ATP7A: variants seen among roughly 807,000 people sequenced by gnomAD.
The protein encoded by ATP7A is copper-transporting ATPase 1.
In ATP7A, 7 loss-of-function variants were observed where a neutral mutation model predicts 83.5. That is an observed-to-expected ratio of 0.08 (90% CI 0.05 to 0.16). The LOEUF is 0.16. Among genes scored for constraint, ATP7A ranks in the 10% least tolerant of loss-of-function variants. ATP7A has a pLI of 1.00. For synonymous variants in ATP7A, 354 were observed against 395.2 expected, an observed-to-expected ratio of 0.90 and a Z score of 1.24; for missense variants, 940 against 1,120.8, an observed-to-expected ratio of 0.84 and a Z score of 2.30.
chrX:77,931,009 C>CTTTTTTTTTTTTTTTTTTTTTTTTTT (rs11379657), intron 1 of ATP7A, among the ~76,000 whole-genome samples: 2 of 67,263 alleles, frequency 3.0e-5, no homozygotes, highest in African/African-American at 6.0e-5. Flanking sequence ...TTTTTTTTAC[C>CTTTTTTTTTTTTTTTTTTTTTTTTTT]TTTTTTTTTA....
intron 4 of ATP7A, among the ~76,000 whole-genome samples, chrX:77,994,179 C>T (rs2077686507): frequency 9.0e-6 from 1 of 110,766 alleles, no homozygotes. Context: ...AATTCTCCTG[C>T]ATCAGCCTCC....
intron 2 of ATP7A, among the ~76,000 whole-genome samples, chrX:77,987,444 TTGTGTGTGTGTGTG>T (rs3986431): frequency 3.5e-5 from 3 of 85,867 alleles, no homozygotes; most frequent in East Asian, 4.0e-4. Flanking sequence ...AACCCAGTAT[TTGTGTGTGTGTGTG>T]TGTGTGTGTG....
intron 2 of ATP7A, among the ~76,000 whole-genome samples, chrX:77,981,904 C>T (rs2077607178): frequency 1.8e-5 from 2 of 110,988 alleles, no homozygotes; most frequent in South Asian, 7.6e-4. Flanking sequence ...AAGTGATAAC[C>T]TTTATTTAGG....
At chrX:78,013,188 G>A (rs1392534017) in intron 10 of ATP7A, 76 bp downstream of exon 10, 130 of 888,788 alleles carry the variant, frequency 1.5e-4, no homozygotes, top group Non-Finnish European at 2.0e-4. Context: ...GCCAATCATT[G>A]GAAATACATG....
chrX:78,041,336 C>T (rs918057409), intron 19 of ATP7A, among the ~76,000 whole-genome samples: 1 of 109,383 alleles, frequency 9.1e-6, no homozygotes. Context: ...AGTGCAGTGG[C>T]GCGATCTCGG....
At chrX:78,021,700 C>T (rs1031667971) in intron 14 of ATP7A, among the ~76,000 whole-genome samples, 3 of 111,389 alleles carry the variant, frequency 2.7e-5, no homozygotes, top group Non-Finnish European at 5.6e-5. Context: ...CCTCAGTTCT[C>T]TTATCTGTAA....
At position 77,989,272 on chromosome X, in the gene ATP7A, C is replaced by T; in HGVS notation, c.650C>T (p.Pro217Leu). The T allele has an allele frequency of 8.3e-7, 1 of 1,208,687 alleles. No homozygotes were observed. Among genetic ancestry groups the T allele is most frequent in the Non-Finnish European group, 1.1e-6 (1 of 893,341 alleles). The change falls in exon 4 of 23, where the codon CCT (proline) becomes CTT (leucine). Residue 217 changes from proline (P) to leucine (L), a missense_variant. This residue lies in a region of ATP7A where 350 missense variants were observed against 432.8 expected (regional missense o/e 0.81). Coordinates refer to ENST00000341514, the MANE Select transcript of ATP7A (RefSeq NM_000052.7). ...DNQEATIVYQ[P>L]HLISVEEMKK... Reference sequence around the variant, plus strand: ...CAAGAAGCTACTATTGTTTATCAACCTCATCTTATCTCAGTAGAGGAAATG... The same window carrying T: ...CAAGAAGCTACTATTGTTTATCAACTTCATCTTATCTCAGTAGAGGAAATG...
At chrX:77,962,972 C>T (rs2077482147) in intron 1 of ATP7A, 4 of 272,498 alleles carry the variant, frequency 1.5e-5, no homozygotes, top group Admixed American at 4.5e-5. Flanking sequence ...ACATGTGCCA[C>T]ATATATAGGA....
intron 21 of ATP7A, 149 bp from the exon 22 acceptor site, chrX:78,045,321 A>G: frequency 1.9e-6 from 1 of 530,444 alleles, no homozygotes; most frequent in South Asian, 2.8e-5. Flanking sequence ...TCTGTTAGTG[A>G]AAAAAATGGC....
chrX:77,945,606 A>G (rs2077375187), intron 1 of ATP7A, among the ~76,000 whole-genome samples: 1 of 112,481 alleles, frequency 8.9e-6, no homozygotes, highest in South Asian at 3.6e-4. Context: ...GTCCCTGTAG[A>G]CACATGTACT....
At chrX:78,020,814 C>T in intron 13 of ATP7A, 131 bp from the exon 14 acceptor site, 1 of 740,730 alleles carries the variant, frequency 1.4e-6, no homozygotes, top group Non-Finnish European at 2.0e-6. Context: ...AGCCACCACA[C>T]CTGGCCATTA....
chrX:78,037,529 G>A (rs1404242490), intron 17 of ATP7A, among the ~76,000 whole-genome samples: 1 of 111,130 alleles, frequency 9.0e-6, no homozygotes, highest in Non-Finnish European at 1.9e-5. Context: ...AGGAGTGAGA[G>A]TAGATAAAGG....
rs188467304 is a variant in ATP7A, at chrX:77,954,879, C to T, written c.-21-16742C>T. The stretch of plus-strand genomic sequence containing the variant: ...ATATATGAATTTATCATTGGTCTTA[C>T]TTATTGAATTATTTCAGTTTCAGTA... On this transcript the variant is annotated intron_variant, in intron 1 of 22. Transcript: ENST00000341514. Among the ~76,000 whole-genome samples the T allele has an allele frequency of 8.2e-3, 915 of 111,342 alleles. 13 individuals are homozygous for T. The highest frequency in any genetic ancestry group is 0.029 in the African/African-American group (878 of 30,777).
At chrX:77,927,086 T>G (rs1557223669) in intron 1 of ATP7A, among the ~76,000 whole-genome samples, 1 of 111,992 alleles carries the variant, frequency 8.9e-6, no homozygotes, top group Non-Finnish European at 1.9e-5. Flanking sequence ...GAAGAGACAG[T>G]GCCCCTCTTC....
At chrX:78,031,257 T>C (rs2077982184) in intron 15 of ATP7A, 143 bp from the exon 16 acceptor site, 1 of 545,611 alleles carries the variant, frequency 1.8e-6, no homozygotes, top group African/African-American at 2.3e-5. Flanking sequence ...CCGAAGACCA[T>C]CAGTTTTTTA....
chrX:77,954,007 A>C (rs2077427383), intron 1 of ATP7A, among the ~76,000 whole-genome samples: 1 of 112,685 alleles, frequency 8.9e-6, no homozygotes, highest in African/African-American at 3.2e-5. Flanking sequence ...TGACTACTCT[A>C]GGAGTCACAA....
chrX:78,017,935 C>T (rs928106939), intron 12 of ATP7A, among the ~76,000 whole-genome samples: 2 of 107,616 alleles, frequency 1.9e-5, no homozygotes, highest in Non-Finnish European at 3.9e-5. Flanking sequence ...GCCACCACGC[C>T]TGGCTAATTT....
intron 1 of ATP7A, among the ~76,000 whole-genome samples, chrX:77,917,030 T>A (rs2077189104): frequency 8.9e-6 from 1 of 111,976 alleles, no homozygotes; most frequent in African/African-American, 3.2e-5. Flanking sequence ...AGCCACCATG[T>A]TCACTGGTGG....
chrX:77,928,769 A>T (rs2077256956), intron 1 of ATP7A, among the ~76,000 whole-genome samples: 1 of 112,328 alleles, frequency 8.9e-6, no homozygotes, highest in South Asian at 3.7e-4. Flanking sequence ...ACTGTTCAAG[A>T]AACCCATTTT....
Sources: allele counts gnomAD v4.1 joint callset (sites outside exome capture counted in the v4.1 genomes callset), GRCh38; gene constraint gnomAD v4.1.1; regional missense constraint gnomAD v4.1.1; transcripts MANE v1.5; gene names NCBI Gene and HGNC (gene_info 2026-07-23, HGNC 2026-07-21).